The following KCNN3 variants were observed in gnomAD, a reference collection of about 807,000 sequenced individuals.
KCNN3 encodes the protein potassium calcium-activated channel subfamily N member 3, also known as small conductance calcium-activated potassium channel protein 3.
KCNN3 carries 16 observed loss-of-function variants against 62.9 expected under a neutral mutation model. The ratio of observed to expected loss-of-function variants is 0.25; its 90% CI spans 0.17 to 0.39. The LOEUF is 0.39. KCNN3 is among the 10% of genes least tolerant of loss of function. KCNN3 has a pLI of 1.00. For missense variants in KCNN3, 599 were observed against 949.4 expected, an observed-to-expected ratio of 0.63 and a Z score of 4.85; for synonymous variants, 370 against 389.2, an observed-to-expected ratio of 0.95 and a Z score of 0.58.
intron 4 of KCNN3, among the ~76,000 whole-genome samples, chr1:154,732,067 T>C (rs767309722): frequency 7.4e-4 from 113 of 152,278 alleles, no homozygotes; most frequent in Non-Finnish European, 1.8e-4. Flanking sequence ...TGTGGCCGCT[T>C]CTCGTTTTCA....
intron 1 of KCNN3, among the ~76,000 whole-genome samples, chr1:154,865,321 G>C (rs533557523): frequency 6.6e-6 from 1 of 151,552 alleles, no homozygotes; most frequent in Non-Finnish European, 1.5e-5. Context: ...TCGTCACAAT[G>C]TCTAAGACTT....
chr1:154,734,210 C>T (rs1298075739), intron 3 of KCNN3, among the ~76,000 whole-genome samples: 2 of 152,170 alleles, frequency 1.3e-5, no homozygotes, highest in Non-Finnish European at 2.9e-5. Context: ...AGTCCTCTTC[C>T]AAACCGTTCT....
chr1:154,793,919 C>A (rs1309927368), intron 2 of KCNN3, among the ~76,000 whole-genome samples: 1 of 152,188 alleles, frequency 6.6e-6, no homozygotes, highest in Non-Finnish European at 1.5e-5. Flanking sequence ...CACACTGGAT[C>A]CTTTCCCCCA....
chr1:154,764,029 C>T (rs577495535), intron 3 of KCNN3, among the ~76,000 whole-genome samples: 4 of 152,206 alleles, frequency 2.6e-5, no homozygotes, highest in African/African-American at 9.6e-5. Context: ...ATTCGTTTGC[C>T]ATCTGATTTG....
chr1:154,868,302 G>A (rs780482773), intron 1 of KCNN3: 32 of 985,808 alleles, frequency 3.2e-5, no homozygotes, highest in Non-Finnish European at 3.7e-5. Context: ...AGCAGCAGCA[G>A]GTTTATTCTG....
At chr1:154,830,025 G>A (rs1234796863) in intron 1 of KCNN3, among the ~76,000 whole-genome samples, 1 of 152,150 alleles carries the variant, frequency 6.6e-6, no homozygotes, top group African/African-American at 2.4e-5. Flanking sequence ...CCCATGCCTA[G>A]AACACTGGTC....
chr1:154,722,194 C>T (rs1700364835), intron 5 of KCNN3, among the ~76,000 whole-genome samples: 1 of 152,036 alleles, frequency 6.6e-6, no homozygotes, highest in African/African-American at 2.4e-5. Context: ...TTAATAGCTA[C>T]AATTCCTTTT....
At chr1:154,760,631 C>A (rs551388808) in intron 3 of KCNN3, among the ~76,000 whole-genome samples, 2 of 152,194 alleles carry the variant, frequency 1.3e-5, no homozygotes, top group African/African-American at 4.8e-5. Context: ...TCTCCCGGGC[C>A]CCGGCCTCTC....
intron 1 of KCNN3, among the ~76,000 whole-genome samples, chr1:154,839,056 G>A (rs1242334958): frequency 6.6e-6 from 1 of 152,110 alleles, no homozygotes; most frequent in Non-Finnish European, 1.5e-5. Flanking sequence ...GTCACTCCAT[G>A]GGAAAAACAG....
intron 5 of KCNN3, among the ~76,000 whole-genome samples, chr1:154,720,967 C>T (rs913411017): frequency 2.6e-5 from 4 of 152,102 alleles, no homozygotes; most frequent in African/African-American, 9.7e-5. Flanking sequence ...AGAAATGGGG[C>T]TAAGTCTTTA....
intron 2 of KCNN3, among the ~76,000 whole-genome samples, chr1:154,784,692 G>A (rs1649201907): frequency 6.6e-6 from 1 of 152,224 alleles, no homozygotes; most frequent in Non-Finnish European, 1.5e-5. Context: ...GAGGGAGCAG[G>A]GCGGCGGTCT....
chr1:154,728,642 AAAGAGAAGAGAAGAGGAGAAAAGAG>A (rs1700523763), intron 4 of KCNN3, among the ~76,000 whole-genome samples: 1 of 151,862 alleles, frequency 6.6e-6, no homozygotes, highest in Non-Finnish European at 1.5e-5. Context: ...AGAGAGGAGA[AAAGAGAAGAGAAGAGGAGAAAAGAG>A]AAGAGAAGAG....
chr1:154,713,089 G>A (rs866966827), intron 7 of KCNN3, among the ~76,000 whole-genome samples: 1 of 152,096 alleles, frequency 6.6e-6, no homozygotes. Context: ...AGTTACCATG[G>A]CCATCGTTAC....
At chr1:154,792,520 C>T (rs1192369386) in intron 2 of KCNN3, among the ~76,000 whole-genome samples, 1 of 152,326 alleles carries the variant, frequency 6.6e-6, no homozygotes, top group East Asian at 1.9e-4. Flanking sequence ...AGGTAATATC[C>T]AGGAGACATA....
chr1:154,784,014 T>C (rs1649173074), intron 2 of KCNN3, among the ~76,000 whole-genome samples: 1 of 152,122 alleles, frequency 6.6e-6, no homozygotes, highest in South Asian at 2.1e-4. Flanking sequence ...AGAAAGAGTT[T>C]GGCATCAGAT....
intron 5 of KCNN3, among the ~76,000 whole-genome samples, chr1:154,718,168 T>G (rs1177611458): frequency 1.3e-5 from 2 of 152,122 alleles, no homozygotes; most frequent in African/African-American, 4.8e-5. Context: ...CGGATGGGTT[T>G]GGGGATGGTT....
chr1:154,746,870 G>A (rs182661470), intron 3 of KCNN3, among the ~76,000 whole-genome samples: 8 of 152,334 alleles, frequency 5.3e-5, no homozygotes, highest in Non-Finnish European at 1.2e-4. Flanking sequence ...ATGTCACCAG[G>A]CAGAATCCTG....
At chr1:154,768,995 CAG>C (rs1353044718) in intron 3 of KCNN3, among the ~76,000 whole-genome samples, 2 of 152,168 alleles carry the variant, frequency 1.3e-5, no homozygotes, top group Non-Finnish European at 2.9e-5. Flanking sequence ...CATGGAAGTT[CAG>C]AGTCAGAAAC....
intron 4 of KCNN3, among the ~76,000 whole-genome samples, chr1:154,726,770 G>A (rs7552934): frequency 3.9e-5 from 6 of 152,140 alleles, no homozygotes; most frequent in Admixed American, 1.3e-4. Flanking sequence ...GATCAAAACC[G>A]GGATTTTAAG....
Sources: gnomAD v4.1 joint callset for allele counts (sites outside exome capture counted in the v4.1 genomes callset) on GRCh38, gnomAD v4.1.1 for gene constraint, MANE v1.5 for transcripts, NCBI Gene and HGNC (gene_info 2026-07-23, HGNC 2026-07-21) for gene names.